TTLL11: variants seen among roughly 807,000 people sequenced by gnomAD.
TTLL11 encodes the protein tubulin polyglutamylase TTLL11.
In TTLL11, 42 loss-of-function variants were observed where a neutral mutation model predicts 51.7. That is an observed-to-expected ratio of 0.81 (90% CI 0.64 to 1.05). TTLL11 has a LOEUF of 1.05. Ranked by LOEUF, TTLL11 falls within the 50% of genes least tolerant of loss-of-function variation. The pLI, the probability that TTLL11 is intolerant of heterozygous loss-of-function variation, is 0.00. For missense variants in TTLL11, 799 were observed against 940.4 expected, an observed-to-expected ratio of 0.85 and a Z score of 1.97; for synonymous variants, 381 against 383.5, an observed-to-expected ratio of 0.99 and a Z score of 0.08.
intron 1 of TTLL11, among the ~76,000 whole-genome samples, chr9:122,085,615 T>A (rs184528762): frequency 7.9e-5 from 12 of 152,308 alleles, no homozygotes; most frequent in African/African-American, 2.9e-4. Flanking sequence ...ATGGACTACA[T>A]TTTATATTAA....
At chr9:122,084,399 G>A (rs1162737070) in intron 1 of TTLL11, among the ~76,000 whole-genome samples, 2 of 152,092 alleles carry the variant, frequency 1.3e-5, no homozygotes, top group South Asian at 2.1e-4. Context: ...AAATGGCAGC[G>A]GCAGCAGCTG....
chr9:122,049,232 TTA>T (rs1488475833), intron 1 of TTLL11, among the ~76,000 whole-genome samples: 1 of 152,196 alleles, frequency 6.6e-6, no homozygotes, highest in Non-Finnish European at 1.5e-5. Flanking sequence ...TGTCTATGTG[TTA>T]AACACTTTAC....
At chr9:121,833,865 C>T (rs771117174) in intron 8 of TTLL11, among the ~76,000 whole-genome samples, 71 of 152,132 alleles carry the variant, frequency 4.7e-4, no homozygotes, top group Non-Finnish European at 7.4e-4. Flanking sequence ...TTAAAAATAC[C>T]TGAGCTTCCT....
chr9:122,056,804 C>A (rs1845300997), intron 1 of TTLL11, among the ~76,000 whole-genome samples: 1 of 152,182 alleles, frequency 6.6e-6, no homozygotes, highest in Non-Finnish European at 1.5e-5. Context: ...CAGTGACCAA[C>A]AGAACCGCTA....
At chr9:121,852,752 C>T (rs1490316814) in intron 8 of TTLL11, among the ~76,000 whole-genome samples, 2 of 152,154 alleles carry the variant, frequency 1.3e-5, no homozygotes, top group Non-Finnish European at 2.9e-5. Context: ...GAGGTTGAGC[C>T]GGCATCTCTG....
chr9:122,010,055 T>C (rs1051723791), intron 3 of TTLL11, among the ~76,000 whole-genome samples: 1 of 152,176 alleles, frequency 6.6e-6, no homozygotes, highest in Non-Finnish European at 1.5e-5. Flanking sequence ...AATAGACTAG[T>C]ATTGAGCTTT....
chr9:121,867,403 T>C (rs1838211509), intron 7 of TTLL11, among the ~76,000 whole-genome samples: 1 of 152,134 alleles, frequency 6.6e-6, no homozygotes, highest in Non-Finnish European at 1.5e-5. Context: ...CCCAGCCCTC[T>C]GTGATAGCTG....
intron 6 of TTLL11, among the ~76,000 whole-genome samples, chr9:121,947,006 T>A (rs945575526): frequency 6.6e-6 from 1 of 152,128 alleles, no homozygotes; most frequent in Non-Finnish European, 1.5e-5. Context: ...CATGTTTAGC[T>A]CAATTTATAC....
At chr9:122,040,383 AG>A (rs554606156) in intron 1 of TTLL11, 4 of 985,056 alleles carry the variant, frequency 4.1e-6, no homozygotes, top group Non-Finnish European at 4.8e-6. Flanking sequence ...CCGAGACAAA[AG>A]GGCCTGTTCT....
In TTLL11 at chr9:121,983,304, C is replaced by T. The variant is rs1022622845; in HGVS notation, c.1269+5891G>A. Among the ~76,000 whole-genome samples, 8 of 152,116 alleles carry T rather than the reference C, an allele frequency of 5.3e-5. No individual in the cohort carries two copies. In the South Asian group the frequency reaches 8.3e-4, roughly 16 times the overall value. On this transcript the variant is annotated intron_variant, in intron 4 of 8. Transcript: ENST00000321582. ...AGGAAGTCAAGAGCTTGACTTTGGA[C>T]GTGTTCAGTGTTTGATGGCTATTAA... is the stretch of plus-strand genomic sequence containing the variant.
chr9:122,066,673 G>A lies in TTLL11; in HGVS notation c.462+26014C>T, dbSNP rs1371455425. On this transcript the variant is annotated intron_variant, in intron 1 of 8. Transcript: ENST00000321582. ...CAAATCAGCAAATGTCTACACAATCGGTAAAACTTATTTGATATCCAGGAA... is the reference window on the plus strand; with the variant it reads ...CAAATCAGCAAATGTCTACACAATCAGTAAAACTTATTTGATATCCAGGAA... Among the ~76,000 whole-genome samples, 6 of 152,072 alleles carry A rather than the reference G, an allele frequency of 3.9e-5. No individual in the cohort carries two copies. In the East Asian group the frequency reaches 9.6e-4, roughly 24 times the overall value.
At chr9:122,061,607 A>T (rs1246792717) in intron 1 of TTLL11, among the ~76,000 whole-genome samples, 1 of 152,196 alleles carries the variant, frequency 6.6e-6, no homozygotes. Flanking sequence ...TTTCATGATT[A>T]GACTAGTAAG....
At chr9:122,064,678 C>T (rs7865069) in intron 1 of TTLL11, among the ~76,000 whole-genome samples, 64,778 of 151,988 alleles carry the variant, frequency 0.43, 15,692 homozygotes, top group African/African-American at 0.66. Context: ...TGGGGGATGA[C>T]AGACACAAGA....
chr9:121,904,493 T>C (rs1839870022), intron 6 of TTLL11, among the ~76,000 whole-genome samples: 1 of 152,200 alleles, frequency 6.6e-6, no homozygotes, highest in South Asian at 2.1e-4. Context: ...TCCTACATGT[T>C]TAATGTGTGG....
At chr9:121,969,277 T>C (rs568000419) in intron 6 of TTLL11, among the ~76,000 whole-genome samples, 120 of 151,940 alleles carry the variant, frequency 7.9e-4, no homozygotes, top group Non-Finnish European at 1.4e-3. Context: ...GGTGACAGAG[T>C]CAGGATTGGA....
intron 1 of TTLL11, among the ~76,000 whole-genome samples, chr9:122,066,187 A>AGTG: frequency 7.5e-6 from 1 of 132,482 alleles, no homozygotes; most frequent in South Asian, 2.4e-4. Context: ...TGGGGAGCAG[A>AGTG]GTGTTGTTGT....
intron 6 of TTLL11, among the ~76,000 whole-genome samples, chr9:121,942,746 T>A (rs941885490): frequency 2.1e-4 from 26 of 124,662 alleles, no homozygotes; most frequent in African/African-American, 5.1e-4. Flanking sequence ...TTATTTTTTT[T>A]TTTTTTTTTT....
chr9:121,839,092 A>C (rs1373554691), intron 8 of TTLL11, among the ~76,000 whole-genome samples: 4 of 152,168 alleles, frequency 2.6e-5, no homozygotes, highest in African/African-American at 7.2e-5. Context: ...CATTACCTTC[A>C]CTGACACATC....
chr9:121,989,273 G>A lies in TTLL11; in HGVS notation c.1191C>T (p.Val397=). 4 of 1,614,176 alleles carry A rather than the reference G, an allele frequency of 2.5e-6. No homozygotes were observed. Among genetic ancestry groups the A allele is most frequent in the South Asian group, 1.1e-5 (1 of 91,064 alleles). Residue 397 remains valine (V), a synonymous_variant, in exon 4 of 9, where the codon GTC becomes GTT. Coordinates refer to ENST00000321582, the MANE Select transcript of TTLL11 (RefSeq NM_001139442.2). This position sits in a 1 kb window ranked among gnomAD's most constrained non-coding sequence, Gnocchi z 4.2. Reference sequence around the variant, plus strand: ...CTTTGAGCTCTGGAGTCAGCGCGATGACCGTCTTAATCACCACGGAGATGA... The same window carrying A: ...CTTTGAGCTCTGGAGTCAGCGCGATAACCGTCTTAATCACCACGGAGATGA... ...SDIISVVIKT[V]IALTPELKVF...
Sources: gnomAD v4.1 joint callset for allele counts (sites outside exome capture counted in the v4.1 genomes callset) on GRCh38, gnomAD v4.1.1 for gene constraint, Gnocchi (gnomAD v3.1) non-coding constraint, MANE v1.5 for transcripts, NCBI Gene and HGNC (gene_info 2026-07-23, HGNC 2026-07-21) for gene names.